Variants in LRIG3 observed in about 807,000 individuals in gnomAD.
LRIG3 encodes the protein leucine-rich repeats and immunoglobulin-like domains protein 3.
LRIG3 carries 76 observed loss-of-function variants against 114.5 expected under a neutral mutation model. The ratio of observed to expected loss-of-function variants is 0.66; its 90% CI spans 0.55 to 0.80. The LOEUF is 0.80. LRIG3 is among the 30% of genes least tolerant of loss of function. The probability of loss-of-function intolerance (pLI) is 0.00; values close to 1 mark genes in which losing one functional copy is unlikely to be tolerated. For missense variants in LRIG3, 1,239 were observed against 1,382.8 expected, an observed-to-expected ratio of 0.90 and a Z score of 1.65; for synonymous variants, 512 against 519.8, an observed-to-expected ratio of 0.98 and a Z score of 0.20.
At position 58,920,030 on chromosome 12, in the gene LRIG3, G is replaced by C. The variant is rs1872614311; in HGVS notation, c.206C>G (p.Pro69Arg). The change falls in exon 1 of 19, where the codon CCC becomes CGC. Residue 69 changes from proline (P) to arginine (R), a missense_variant. Coordinates refer to ENST00000320743, the MANE Select transcript of LRIG3 (RefSeq NM_153377.5). Reference protein sequence around the residue: ...DCSRKRLARLPEPLPSWVARL... With the variant: ...DCSRKRLARLREPLPSWVARL... ...AGCGACCCAGGACGGGAGTGGCTCGGGAAGACGCGCTAGCCGCTTACGACT... is the reference window on the plus strand; with the variant it reads ...AGCGACCCAGGACGGGAGTGGCTCGCGAAGACGCGCTAGCCGCTTACGACT... 4 of 1,551,414 alleles carry C rather than the reference G, an allele frequency of 2.6e-6. No homozygotes were observed.
chr12:58,911,565 A>G (rs1042649180), intron 3 of LRIG3, among the ~76,000 whole-genome samples: 1 of 152,220 alleles, frequency 6.6e-6, no homozygotes, highest in African/African-American at 2.4e-5. Context: ...AACTCTTAAT[A>G]TGAAAGTCAA....
chr12:58,883,477 C>T, intron 11 of LRIG3, 43 bp downstream of exon 11: 1 of 1,394,020 alleles, frequency 7.2e-7, no homozygotes, highest in South Asian at 1.6e-5. Context: ...GACAGTTTTC[C>T]CCTCTATACT....
At chr12:58,893,366 C>A (rs1341846261) in intron 3 of LRIG3, among the ~76,000 whole-genome samples, 1 of 152,144 alleles carries the variant, frequency 6.6e-6, no homozygotes, top group Admixed American at 6.5e-5. Context: ...TAATGTATAT[C>A]TTAAGAGCTG....
intron 3 of LRIG3, 24 bp downstream of exon 3, chr12:58,913,958 G>C (rs753800899): frequency 6.3e-7 from 1 of 1,595,878 alleles, no homozygotes; most frequent in South Asian, 1.1e-5. Flanking sequence ...ACATACATGA[G>C]GAATTCTGCT....
At chr12:58,882,814 T>A (rs1256963024) in intron 12 of LRIG3, 55 bp downstream of exon 12, 13 of 1,514,220 alleles carry the variant, frequency 8.6e-6, no homozygotes, top group Non-Finnish European at 1.1e-5. Flanking sequence ...TTTGGATAAA[T>A]GGGAGGGGGA....
In LRIG3 at chr12:58,872,601, T is replaced by C. The variant is rs199929116; in HGVS notation, c.3331A>G (p.Asn1111Asp). The C allele has an allele frequency of 7.5e-5, 121 of 1,613,760 alleles. 1 individual carries two copies. In the Middle Eastern group the frequency reaches 9.9e-4, roughly 13 times the overall value. ...GTGTCCAAGTCATAAGACTGAAAAT[T>C]TGGAGTCCTGTAGTTTTCTAAAGTC... ...KQTLENYRTPNFQSYDLDT is the reference protein window; with the variant it reads ...KQTLENYRTPDFQSYDLDT Residue 1111 changes from asparagine (N) to aspartate (D), a missense_variant, in exon 19 of 19, where the codon AAT becomes GAT. Coordinates refer to ENST00000320743, the MANE Select transcript of LRIG3 (RefSeq NM_153377.5).
intron 18 of LRIG3, chr12:58,873,836 G>A (rs777147150): frequency 5.0e-6 from 3 of 594,782 alleles, no homozygotes; most frequent in Non-Finnish European, 8.9e-6. Context: ...TACCCAGAAA[G>A]CTCCTGAGGC....
chr12:58,895,958 C>T (rs890034924), intron 3 of LRIG3, among the ~76,000 whole-genome samples: 3 of 152,172 alleles, frequency 2.0e-5, no homozygotes, highest in African/African-American at 7.2e-5. Flanking sequence ...CCCAGTTCAG[C>T]TCTACTGGAG....
intron 3 of LRIG3, 76 bp downstream of exon 3, chr12:58,913,906 C>A: frequency 8.0e-7 from 1 of 1,256,158 alleles, no homozygotes. Flanking sequence ...TCTAAGATCT[C>A]TATGCTAGTC....
intron 3 of LRIG3, among the ~76,000 whole-genome samples, chr12:58,891,880 C>A (rs1283387766): frequency 1.3e-5 from 2 of 152,220 alleles, no homozygotes; most frequent in African/African-American, 2.4e-5. Context: ...AAATTAAATG[C>A]TAAAATTTAG....
chr12:58,919,143 T>C (rs181826966), intron 1 of LRIG3, among the ~76,000 whole-genome samples: 2 of 152,210 alleles, frequency 1.3e-5, no homozygotes, highest in East Asian at 3.9e-4. Context: ...ATTTTAAAAC[T>C]GGGACTGAGG....
intron 3 of LRIG3, among the ~76,000 whole-genome samples, chr12:58,903,606 T>C (rs1389647806): frequency 8.6e-5 from 13 of 152,002 alleles, no homozygotes; most frequent in Non-Finnish European, 1.8e-4. Flanking sequence ...TTTGTTGCCA[T>C]TGCTTTTGGT....
chr12:58,888,619 T>C (rs1348319231), intron 6 of LRIG3, 147 bp from the exon 7 acceptor site: 2 of 1,244,614 alleles, frequency 1.6e-6, no homozygotes, highest in African/African-American at 1.5e-5. Flanking sequence ...AAAAAAATAC[T>C]ATATAGTTTA....
At chr12:58,873,863 C>G in intron 18 of LRIG3, 192 bp downstream of exon 18, 1 of 649,016 alleles carries the variant, frequency 1.5e-6, no homozygotes, top group East Asian at 2.6e-5. Flanking sequence ...ATAGATTAAA[C>G]ACATCATCAA....
chr12:58,876,939 C>T (rs1251896290), intron 15 of LRIG3, among the ~76,000 whole-genome samples: 3 of 152,182 alleles, frequency 2.0e-5, no homozygotes, highest in African/African-American at 7.2e-5. Context: ...TTGATTATTG[C>T]CATATTCCCT....
rs200699970 is a variant in LRIG3, at chr12:58,888,424, G to A, written c.852C>T (p.Tyr284=). 66 of 1,613,906 alleles carry A rather than the reference G, an allele frequency of 4.1e-5. No homozygotes were observed. In the Admixed American group the frequency reaches 7.7e-4, roughly 19 times the overall value. Residue 284 remains tyrosine (Y), a synonymous_variant, in exon 7 of 19, where the codon TAC becomes TAT. Transcript: ENST00000320743. ...NLTEITKGWL[Y]GLLMLQELHL... Reference sequence around the variant, plus strand: ...GAAGTTCCTGCAGCATCAGCAAGCCGTAAAGCCAGCCTTTGGTAATCTCTG... The same window carrying A: ...GAAGTTCCTGCAGCATCAGCAAGCCATAAAGCCAGCCTTTGGTAATCTCTG...
intron 13 of LRIG3, 115 bp downstream of exon 13, chr12:58,880,466 G>T: frequency 2.0e-6 from 2 of 1,008,746 alleles, no homozygotes; most frequent in Non-Finnish European, 3.0e-6. Context: ...GAAAGGAAGA[G>T]TCAGGTGGGG....
chr12:58,904,514 G>A (rs1035121859), intron 3 of LRIG3, among the ~76,000 whole-genome samples: 3 of 152,126 alleles, frequency 2.0e-5, no homozygotes, highest in African/African-American at 7.2e-5. Context: ...GATAAGTATC[G>A]GTAATACAAG....
intron 1 of LRIG3, among the ~76,000 whole-genome samples, chr12:58,915,984 G>A (rs1452187954): frequency 6.6e-6 from 1 of 152,140 alleles, no homozygotes; most frequent in Non-Finnish European, 1.5e-5. Flanking sequence ...GCGTAAAACT[G>A]CATCCCCTAT....
Sources: allele counts gnomAD v4.1 joint callset (sites outside exome capture counted in the v4.1 genomes callset), GRCh38; gene constraint gnomAD v4.1.1; transcripts MANE v1.5; gene names NCBI Gene and HGNC (gene_info 2026-07-23, HGNC 2026-07-21).